DNAI7: variants seen among roughly 807,000 people sequenced by gnomAD.
DNAI7 encodes dynein axonemal intermediate chain 7, also known as cancer susceptibility 1.
A neutral mutation model predicts 86.6 loss-of-function variants in DNAI7; 78 were observed. That is an observed-to-expected ratio of 0.90 (90% CI 0.75 to 1.09). DNAI7 has a LOEUF of 1.09. DNAI7 is among the 50% of genes least tolerant of loss of function. DNAI7 has a pLI of 0.00. For missense variants in DNAI7, 753 were observed against 810.2 expected (o/e 0.93, Z 0.86); for synonymous variants, 274 against 273.0 (o/e 1.00, Z -0.04).
At position 25,108,372 on chromosome 12, in the gene DNAI7, T is replaced by G. The variant is rs1020389814; in HGVS notation, c.*176A>C. 53 of 607,100 alleles carry G rather than the reference T, an allele frequency of 8.7e-5. 1 individual carries two copies. In the East Asian group the frequency reaches 1.5e-3, roughly 17 times the overall value. The allele number at this position is 607,100 out of a possible 1,614,324, so 37.6% of individuals were successfully genotyped here. On this transcript the variant is annotated 3_prime_UTR_variant, in exon 16 of 16. Coordinates refer to ENST00000395987, the MANE Select transcript of DNAI7 (RefSeq NM_018272.5). ...CTGAAATTCTTAACAGGCCAAGTAT[T>G]CAAAGGAAAAAAAAATACTGTTTTT...
intron 11 of DNAI7, among the ~76,000 whole-genome samples, chr12:25,120,446 G>A (rs1182493197): frequency 6.6e-6 from 1 of 152,146 alleles, no homozygotes; most frequent in Non-Finnish European, 1.5e-5. Context: ...AAGTCGGCCG[G>A]GCGCGGTGGC....
At chr12:25,192,473 TCA>T (rs1415727934) in intron 1 of DNAI7, among the ~76,000 whole-genome samples, 3 of 152,188 alleles carry the variant, frequency 2.0e-5, no homozygotes, top group Non-Finnish European at 4.4e-5. Flanking sequence ...GTGTGTATGC[TCA>T]CTTCTCTTCC....
At chr12:25,173,911 TATGG>T in intron 2 of DNAI7, among the ~76,000 whole-genome samples, 1 of 148,672 alleles carries the variant, frequency 6.7e-6, no homozygotes, top group Admixed American at 6.8e-5. Flanking sequence ...ACATCATATA[TATGG>T]AATATATATA....
At chr12:25,138,382 G>C (rs1865530548) in intron 9 of DNAI7, among the ~76,000 whole-genome samples, 1 of 152,176 alleles carries the variant, frequency 6.6e-6, no homozygotes, top group South Asian at 2.1e-4. Flanking sequence ...AGAATCACTG[G>C]AACCCAGGAG....
intron 2 of DNAI7, among the ~76,000 whole-genome samples, chr12:25,165,192 A>C (rs1187482386): frequency 6.6e-6 from 1 of 152,182 alleles, no homozygotes; most frequent in Non-Finnish European, 1.5e-5. Context: ...TAAAACTTCA[A>C]AAATTAAATT....
downstream of DNAI7, among the ~76,000 whole-genome samples, chr12:25,107,335 AG>A: frequency 1.3e-5 from 2 of 152,302 alleles, no homozygotes; most frequent in East Asian, 3.9e-4. Context: ...ATTTTGTTAT[AG>A]GCATGTATCC....
chr12:25,114,644 A>T lies in DNAI7; in HGVS notation c.1611+12T>A. ...GATACGATAGTACATAACAGCTACA[A>T]GAGTAACTCACCTTAATTTGTATTT... On this transcript the variant is annotated intron_variant, in intron 13 of 15. Coordinates refer to ENST00000395987, the MANE Select transcript of DNAI7 (RefSeq NM_018272.5). The T allele has an allele frequency of 1.9e-6, 3 of 1,562,208 alleles. No individual in the cohort carries two copies. Among genetic ancestry groups the T allele is most frequent in the Non-Finnish European group, 2.6e-6 (3 of 1,133,058 alleles).
chr12:25,156,304 C>T (rs1412795006), intron 4 of DNAI7, among the ~76,000 whole-genome samples: 1 of 152,188 alleles, frequency 6.6e-6, no homozygotes, highest in Non-Finnish European at 1.5e-5. Context: ...ATTTGGTAGA[C>T]ATTCTCTCAA....
In DNAI7 at chr12:25,144,616, T is replaced by C. The variant is rs776120193; in HGVS notation, c.751A>G (p.Thr251Ala). The C allele has an allele frequency of 3.7e-6, 6 of 1,613,974 alleles. No individual in the cohort carries two copies. The African/African-American group carries it at 5.3e-5, about 14-fold the overall frequency. Residue 251 changes from threonine to alanine, a missense_variant, in exon 9 of 16, where the codon ACA becomes GCA. Physicochemically the swap from Thr to Ala is moderately conservative, Grantham distance 58. Transcript: ENST00000395987. The stretch of plus-strand genomic sequence containing the variant: ...AGGAGTCGTACAGCAATGTCACTTG[T>C]TGCTAATATCCTTGGAATCTCAAAT... ...IGFEIPRILA[T>A]SDIAVRLLHT...
At chr12:25,137,133 A>G (rs963912483) in intron 9 of DNAI7, among the ~76,000 whole-genome samples, 7 of 152,214 alleles carry the variant, frequency 4.6e-5, no homozygotes, top group Non-Finnish European at 1.0e-4. Context: ...TAAATTCAAG[A>G]CAAAGGAAAA....
Position 25,154,363 on chromosome 12 carries a change from C to A in DNAI7, c.394G>T (p.Glu132Ter). 6.2e-7 allele frequency: 1 copy of A among 1,611,116 alleles called. No individual in the cohort carries two copies. Among genetic ancestry groups the A allele is most frequent in the East Asian group, 2.2e-5 (1 of 44,714 alleles). The change falls in exon 6 of 16, where the codon GAG (glutamate) becomes TAG (stop). Residue 132 changes from glutamate (E) to a stop codon, truncating the protein, a stop_gained. Transcript: ENST00000395987. LOFTEE classifies it high-confidence loss of function. ...TTCTCAATCACTTCCTCAAAAGTCT[C>A]ATTTGTTTTCTCTTTCCACAAACTA... ...FISLWKEKTN[E>*]TFEEVIEKSK...
chr12:25,128,047 A>G (rs1949979308), intron 9 of DNAI7, among the ~76,000 whole-genome samples: 1 of 152,230 alleles, frequency 6.6e-6, no homozygotes, highest in Non-Finnish European at 1.5e-5. Flanking sequence ...AAAAGCTACA[A>G]AAACCATGAA....
chr12:25,163,008 C>T (rs533011971), intron 2 of DNAI7, among the ~76,000 whole-genome samples: 9 of 152,336 alleles, frequency 5.9e-5, no homozygotes, highest in African/African-American at 9.6e-5. Context: ...GTGAAGGGAG[C>T]GATCTGCTCC....
chr12:25,189,540 G>T (rs1950320263), intron 2 of DNAI7, among the ~76,000 whole-genome samples: 1 of 150,386 alleles, frequency 6.6e-6, no homozygotes, highest in Non-Finnish European at 1.5e-5. Flanking sequence ...TAATCAAGAG[G>T]CTGAGGTGGG....
intron 2 of DNAI7, among the ~76,000 whole-genome samples, chr12:25,171,480 A>T (rs1948128203): frequency 6.6e-6 from 1 of 152,170 alleles, no homozygotes; most frequent in Non-Finnish European, 1.5e-5. Flanking sequence ...ATGGTAATTT[A>T]AAAATTACCA....
chr12:25,115,244 G>A (rs913720555), intron 12 of DNAI7, among the ~76,000 whole-genome samples: 2 of 152,158 alleles, frequency 1.3e-5, no homozygotes, highest in Non-Finnish European at 2.9e-5. Flanking sequence ...TAATCTTTCA[G>A]AGAAACTCTC....
At chr12:25,154,152 C>G (rs572740069) in intron 6 of DNAI7, among the ~76,000 whole-genome samples, 167 bp downstream of exon 6, 6 of 152,006 alleles carry the variant, frequency 3.9e-5, no homozygotes, top group African/African-American at 1.4e-4. Flanking sequence ...ATTCTTAGGA[C>G]TTGTAAAAAA....
chr12:25,175,796 A>G (rs1948892749), intron 2 of DNAI7, among the ~76,000 whole-genome samples: 1 of 151,866 alleles, frequency 6.6e-6, no homozygotes, highest in Non-Finnish European at 1.5e-5. Flanking sequence ...TATCCAATAG[A>G]AGGCTGGGTG....
Position 25,150,731 on chromosome 12 carries a change from C to A in DNAI7, c.439-957G>T, listed in dbSNP as rs372132089. ...AATGGTGGCTCTGAATCTAATTAAA[C>A]CCTCGGATCTACCAGTTAACTATGT... is the stretch of plus-strand genomic sequence containing the variant. On this transcript the variant is annotated intron_variant, in intron 6 of 15. Coordinates refer to ENST00000395987, the MANE Select transcript of DNAI7 (RefSeq NM_018272.5). Among the ~76,000 whole-genome samples the A allele has an allele frequency of 1.5e-3, 230 of 151,910 alleles. 1 individual carries two copies. Among genetic ancestry groups the A allele is most frequent in the South Asian group, 0.014 (67 of 4,810 alleles).
Sources: allele counts gnomAD v4.1 joint callset (sites outside exome capture counted in the v4.1 genomes callset), GRCh38; gene constraint gnomAD v4.1.1; transcripts MANE v1.5; gene names NCBI Gene and HGNC (gene_info 2026-07-23, HGNC 2026-07-21).